NFIA: variants seen among roughly 807,000 people sequenced by gnomAD.
NFIA encodes nuclear factor 1 A-type.
In NFIA, 8 loss-of-function variants were observed where a neutral mutation model predicts 62.8. That is an observed-to-expected ratio of 0.13 (90% CI 0.07 to 0.23). The LOEUF (loss-of-function observed/expected upper bound fraction) is 0.23. NFIA is among the 10% of genes least tolerant of loss of function. The pLI, the probability that NFIA is intolerant of heterozygous loss-of-function variation, is 1.00. For synonymous variants in NFIA, 235 were observed against 238.1 expected, an observed-to-expected ratio of 0.99 and a Z score of 0.12; for missense variants, 410 against 642.1, an observed-to-expected ratio of 0.64 and a Z score of 3.91.
In NFIA at chr1:61,456,914, G is replaced by T. The variant is rs1021642172; in HGVS notation, c.*1594G>T. ...CGAAGCACCCCTTTGCTTCCCATGCGACTTCAAGAAGGTTTCCTATACTAT... is the reference window on the plus strand; with the variant it reads ...CGAAGCACCCCTTTGCTTCCCATGCTACTTCAAGAAGGTTTCCTATACTAT... On this transcript the variant is annotated 3_prime_UTR_variant, in exon 11 of 11. Transcript: ENST00000403491. 6.6e-6 allele frequency: 1 copy of T among 151,490 alleles called. No individual in the cohort carries two copies. The highest frequency in any genetic ancestry group is 2.4e-5 in the African/African-American group (1 of 41,290). 9.4% of individuals were successfully genotyped at this position (151,490 alleles called of 1,614,324 possible).
intron 10 of NFIA, 33 bp downstream of exon 10, chr1:61,426,589 C>A: frequency 6.8e-7 from 1 of 1,476,652 alleles, no homozygotes; most frequent in Non-Finnish European, 9.3e-7. Flanking sequence ...GTATGTGGTG[C>A]AGCTTGTATT....
chr1:61,181,687 A>G (rs1451567412), intron 2 of NFIA, among the ~76,000 whole-genome samples: 1 of 152,218 alleles, frequency 6.6e-6, no homozygotes, highest in East Asian at 1.9e-4. Context: ...GCACTGTGGA[A>G]TGTCTTGATA....
intron 7 of NFIA, among the ~76,000 whole-genome samples, chr1:61,400,862 G>C (rs532838068): frequency 6.6e-6 from 1 of 152,178 alleles, no homozygotes; most frequent in South Asian, 2.1e-4. Flanking sequence ...TAAAAACTTA[G>C]GTACAGTAAA....
chr1:61,160,365 C>G (rs956723001), intron 2 of NFIA, among the ~76,000 whole-genome samples: 1 of 152,194 alleles, frequency 6.6e-6, no homozygotes, highest in Admixed American at 6.5e-5. Flanking sequence ...GTCCAGCAAT[C>G]TGATTTCTAA....
intron 10 of NFIA, among the ~76,000 whole-genome samples, chr1:61,427,264 G>C (rs1244912169): frequency 6.6e-6 from 1 of 152,158 alleles, no homozygotes; most frequent in East Asian, 1.9e-4. Flanking sequence ...TGGAATGGCT[G>C]CTGTATATTG....
At chr1:61,389,878 G>T (rs571471548) in intron 7 of NFIA, among the ~76,000 whole-genome samples, 3 of 151,872 alleles carry the variant, frequency 2.0e-5, no homozygotes. Context: ...GGTCAGTTTG[G>T]CTTTTTTCAA....
chr1:61,417,811 G>A (rs1014759781), intron 9 of NFIA, among the ~76,000 whole-genome samples: 1 of 152,064 alleles, frequency 6.6e-6, no homozygotes, highest in Non-Finnish European at 1.5e-5. Context: ...TGGAATTTTA[G>A]GGATTTCCCA....
chr1:61,211,651 C>T (rs952210708), intron 2 of NFIA, among the ~76,000 whole-genome samples: 8 of 152,280 alleles, frequency 5.3e-5, no homozygotes, highest in Admixed American at 1.3e-4. Context: ...TTTTCTCCCA[C>T]ATATTCCGTC....
intron 4 of NFIA, among the ~76,000 whole-genome samples, chr1:61,334,517 A>T (rs1661477787): frequency 1.5e-5 from 2 of 131,660 alleles, no homozygotes; most frequent in Admixed American, 1.6e-4. Flanking sequence ...TATGGGGAGT[A>T]TTTGTGTGTG....
chr1:61,437,497 AG>A (rs1483481122), intron 10 of NFIA, among the ~76,000 whole-genome samples: 1 of 152,034 alleles, frequency 6.6e-6, no homozygotes, highest in African/African-American at 2.4e-5. Context: ...GATCTTAGAG[AG>A]GAGAAAGAAG....
chr1:61,166,935 A>G (rs905210545), intron 2 of NFIA, among the ~76,000 whole-genome samples: 1 of 152,172 alleles, frequency 6.6e-6, no homozygotes, highest in Non-Finnish European at 1.5e-5. Context: ...AGTTCAGGAG[A>G]TCGAGACCAT....
chr1:61,441,789 C>A (rs1193594529), intron 10 of NFIA, among the ~76,000 whole-genome samples: 2 of 152,176 alleles, frequency 1.3e-5, no homozygotes, highest in South Asian at 2.1e-4. Context: ...ACATCATTAC[C>A]ATTTAGCTAG....
chr1:61,403,100 A>G (rs956340922), intron 7 of NFIA, among the ~76,000 whole-genome samples: 5 of 152,228 alleles, frequency 3.3e-5, no homozygotes, highest in African/African-American at 1.2e-4. Context: ...TTTTCAGTTT[A>G]AAGATTTAAA....
intron 2 of NFIA, among the ~76,000 whole-genome samples, chr1:61,213,402 T>C (rs796955133): frequency 7.2e-5 from 11 of 152,332 alleles, no homozygotes; most frequent in Admixed American, 2.0e-4. Context: ...TGAAACAGAC[T>C]GCAAGTCTAA....
At chr1:61,121,711 T>A (rs550110309) in intron 2 of NFIA, among the ~76,000 whole-genome samples, 4 of 152,236 alleles carry the variant, frequency 2.6e-5, no homozygotes, top group South Asian at 2.1e-4. Context: ...GAAAGGAAAA[T>A]TTTTTAACCT....
intron 3 of NFIA, among the ~76,000 whole-genome samples, chr1:61,312,392 A>T (rs1450211121): frequency 1.3e-5 from 2 of 152,136 alleles, no homozygotes; most frequent in Non-Finnish European, 2.9e-5. Context: ...AGAATTCTGT[A>T]TTGTCTAACA....
At chr1:61,155,712 T>A (rs1206912734) in intron 2 of NFIA, among the ~76,000 whole-genome samples, 2 of 151,398 alleles carry the variant, frequency 1.3e-5, no homozygotes, top group African/African-American at 2.4e-5. Context: ...GAGTTGAAAT[T>A]TTTCTCTTAC....
intron 6 of NFIA, among the ~76,000 whole-genome samples, chr1:61,381,110 A>G (rs1410029352): frequency 1.3e-5 from 2 of 151,994 alleles, no homozygotes; most frequent in African/African-American, 4.8e-5. Flanking sequence ...GAAAAAAAAA[A>G]AAAAATCTGC....
intron 2 of NFIA, among the ~76,000 whole-genome samples, chr1:61,232,485 C>T (rs1390707436): frequency 6.7e-6 from 1 of 149,944 alleles, no homozygotes; most frequent in Admixed American, 6.6e-5. Flanking sequence ...CAGGTCATCT[C>T]AACTAAATGC....
Sources: gnomAD v4.1 joint callset for allele counts (sites outside exome capture counted in the v4.1 genomes callset) on GRCh38, gnomAD v4.1.1 for gene constraint, MANE v1.5 for transcripts, NCBI Gene and HGNC (gene_info 2026-07-23, HGNC 2026-07-21) for gene names.